The following PPP2R2D variants were observed in gnomAD, a reference collection of about 807,000 sequenced individuals.
The protein encoded by PPP2R2D is protein phosphatase 2 regulatory subunit Bdelta.
In PPP2R2D, 9 loss-of-function variants were observed where a neutral mutation model predicts 31.1. The observed-to-expected ratio is 0.29, with a 90% confidence interval of 0.17 to 0.51. PPP2R2D has a LOEUF of 0.51. Among genes scored for constraint, PPP2R2D ranks in the 20% least tolerant of loss-of-function variants. The pLI is 0.98. For missense variants in PPP2R2D, 391 were observed against 465.6 expected (o/e 0.84, Z 1.48); for synonymous variants, 179 against 172.6 (o/e 1.04, Z -0.29).
intron 2 of PPP2R2D, among the ~76,000 whole-genome samples, chr10:131,904,064 C>T (rs1197040215): frequency 6.6e-6 from 1 of 152,028 alleles, no homozygotes; most frequent in African/African-American, 2.4e-5. Context: ...ATTAGCCAGG[C>T]GTGGCAGGGC....
rs188208470 is a variant in PPP2R2D at position 131,927,874 on chromosome 10, T to C, written c.101-6584T>C. ...TACTCTTGACGGACATTTGAGTTGA[T>C]TCTTTTGTGAACGTGCTGTGAACAT... On this transcript the variant is annotated intron_variant, in intron 2 of 8. Coordinates refer to ENST00000455566, the MANE Select transcript of PPP2R2D (RefSeq NM_018461.5). Among the ~76,000 whole-genome samples, 127 of 152,356 alleles carry C rather than the reference T, an allele frequency of 8.3e-4. 1 individual carries two copies. The East Asian group carries it at 0.023, about 28-fold the overall frequency.
At chr10:131,963,571 G>A (rs782694919), downstream of PPP2R2D, among the ~76,000 whole-genome samples, 5 of 152,214 alleles carry the variant, frequency 3.3e-5, no homozygotes, top group Non-Finnish European at 5.9e-5. Flanking sequence ...TGTCCACACC[G>A]TCCGTGGAGC....
chr10:131,913,184 A>ATTTTT (rs36188479), intron 2 of PPP2R2D, among the ~76,000 whole-genome samples: 8 of 134,832 alleles, frequency 5.9e-5, no homozygotes, highest in African/African-American at 2.0e-4. Context: ...TGCCCGGCTA[A>ATTTTT]TTTTTTTTTT....
At chr10:131,941,261 T>G (rs181742938) in intron 5 of PPP2R2D, among the ~76,000 whole-genome samples, 1 of 152,348 alleles carries the variant, frequency 6.6e-6, no homozygotes, top group East Asian at 1.9e-4. Context: ...TTTCATCAAT[T>G]CTGATGCCTA....
intron 2 of PPP2R2D, among the ~76,000 whole-genome samples, chr10:131,924,476 G>A (rs782459787): frequency 3.3e-5 from 5 of 152,056 alleles, no homozygotes; most frequent in Non-Finnish European, 7.4e-5. Flanking sequence ...TTGAAAATCA[G>A]TTGACCGTAA....
chr10:131,903,525 A>T (rs1406685171), intron 2 of PPP2R2D, among the ~76,000 whole-genome samples: 8 of 151,508 alleles, frequency 5.3e-5, no homozygotes, highest in Non-Finnish European at 5.9e-5. Flanking sequence ...AATTAAACTG[A>T]TGGGAACTTT....
In PPP2R2D at chr10:131,939,758, G is replaced by C. The variant is rs1396610142; in HGVS notation, c.199-273G>C. On this transcript the variant is annotated intron_variant, in intron 3 of 8. Transcript: ENST00000455566. ...CAGGCCTGCTTCAGAAAATACGGCAGGCTGCATTTGACAGACCTGCTCCAG... is the reference window on the plus strand; with the variant it reads ...CAGGCCTGCTTCAGAAAATACGGCACGCTGCATTTGACAGACCTGCTCCAG... 1.3e-5 allele frequency: 3 copies of C among 236,780 alleles called. No individual in the cohort carries two copies. In the Admixed American group the frequency reaches 1.7e-4, roughly 13 times the overall value. The allele number at this position is 236,780 out of a possible 1,614,324, so 14.7% of individuals were successfully genotyped here.
At chr10:131,938,707 T>C (rs1314941441) in intron 3 of PPP2R2D, among the ~76,000 whole-genome samples, 1 of 152,242 alleles carries the variant, frequency 6.6e-6, no homozygotes, top group Non-Finnish European at 1.5e-5. Context: ...GCTTCACTTG[T>C]GCAGCACTGT....
At chr10:131,968,747 A>G in the PPP2R2D span, 18 of 536,980 alleles carry the variant, frequency 3.4e-5, no homozygotes, top group Non-Finnish European at 5.7e-5. Flanking sequence ...TGTTTTATCA[A>G]TATGTATTTT....
chr10:131,930,386 G>A (rs1012268402), intron 2 of PPP2R2D, among the ~76,000 whole-genome samples: 3 of 152,148 alleles, frequency 2.0e-5, no homozygotes, highest in African/African-American at 7.2e-5. Flanking sequence ...ACCATTTTTT[G>A]GAAGTCAGAT....
chr10:131,921,780 C>T (rs139040071), intron 2 of PPP2R2D, among the ~76,000 whole-genome samples: 2 of 152,114 alleles, frequency 1.3e-5, no homozygotes, highest in Admixed American at 1.3e-4. Context: ...AGCCCCTGGC[C>T]TGTCGTTGGT....
At chr10:131,940,326 G>A in intron 4 of PPP2R2D, 130 bp downstream of exon 4, 1 of 576,342 alleles carries the variant, frequency 1.7e-6, no homozygotes. Context: ...AGTTATCTAG[G>A]GTAGCAAGTG....
the PPP2R2D span, chr10:131,967,945 C>G: frequency 7.2e-5 from 11 of 152,006 alleles, no homozygotes; most frequent in Non-Finnish European, 4.4e-5. Context: ...GTTTAGTGTA[C>G]GAACTGTACA....
chr10:131,938,848 G>A (rs1360563789), intron 3 of PPP2R2D, among the ~76,000 whole-genome samples: 1 of 152,212 alleles, frequency 6.6e-6, no homozygotes, highest in African/African-American at 2.4e-5. Context: ...CTGTGTTGGA[G>A]CTGCCACATC....
At chr10:131,929,130 C>T (rs1259891052) in intron 2 of PPP2R2D, among the ~76,000 whole-genome samples, 1 of 152,188 alleles carries the variant, frequency 6.6e-6, no homozygotes, top group African/African-American at 2.4e-5. Context: ...CCTGTACTAC[C>T]TCGGAAATCT....
intron 5 of PPP2R2D, among the ~76,000 whole-genome samples, chr10:131,942,936 C>A (rs1554897393): frequency 6.6e-6 from 1 of 152,228 alleles, no homozygotes; most frequent in African/African-American, 2.4e-5. Flanking sequence ...TCCCTACACA[C>A]ACTTTTCCAA....
At chr10:131,940,325 G>A in intron 4 of PPP2R2D, 129 bp downstream of exon 4, 1 of 578,930 alleles carries the variant, frequency 1.7e-6, no homozygotes, top group Non-Finnish European at 3.1e-6. Context: ...AAGTTATCTA[G>A]GGTAGCAAGT....
At chr10:131,928,705 GAGA>G (rs2036151782) in intron 2 of PPP2R2D, among the ~76,000 whole-genome samples, 1 of 152,212 alleles carries the variant, frequency 6.6e-6, no homozygotes, top group Non-Finnish European at 1.5e-5. Context: ...TGAAGATCCA[GAGA>G]AGTAGAGAAG....
intron 2 of PPP2R2D, among the ~76,000 whole-genome samples, chr10:131,926,402 G>A (rs1301832725): frequency 6.6e-6 from 1 of 152,120 alleles, no homozygotes; most frequent in Non-Finnish European, 1.5e-5. Context: ...TTCCAGCTGA[G>A]CGCAGTGGCT....
Sources: gnomAD v4.1 joint callset for allele counts (sites outside exome capture counted in the v4.1 genomes callset) on GRCh38, gnomAD v4.1.1 for gene constraint, MANE v1.5 for transcripts, NCBI Gene and HGNC (gene_info 2026-07-23, HGNC 2026-07-21) for gene names.